The following IPP variants were observed in gnomAD, a reference collection of about 807,000 sequenced individuals.
IPP encodes the protein actin-binding protein IPP.
Under a neutral mutation model 64.1 loss-of-function variants are expected in IPP, and 41 were observed. The ratio of observed to expected loss-of-function variants is 0.64; its 90% CI spans 0.50 to 0.83. The LOEUF (loss-of-function observed/expected upper bound fraction) is 0.83, where lower values mean the gene tolerates loss of function less well. Ranked by LOEUF, IPP falls within the 40% of genes least tolerant of loss-of-function variation. The pLI is 0.00. For missense variants in IPP, 649 were observed against 703.0 expected (o/e 0.92, Z 0.87); for synonymous variants, 214 against 235.2 (o/e 0.91, Z 0.83).
chr1:45,735,784 C>T (rs1645972309), intron 3 of IPP, among the ~76,000 whole-genome samples: 1 of 151,502 alleles, frequency 6.6e-6, no homozygotes, highest in Non-Finnish European at 1.5e-5. Flanking sequence ...TGCGTGACAC[C>T]ACACCAGGCC....
At chr1:45,738,915 ATGT>A (rs1470985889) in intron 3 of IPP, among the ~76,000 whole-genome samples, 1 of 151,788 alleles carries the variant, frequency 6.6e-6, no homozygotes, top group Non-Finnish European at 1.5e-5. Context: ...TGTGACAAAA[ATGT>A]TGTGACTATA....
chr1:45,728,828 A>G (rs1645867790), intron 4 of IPP, among the ~76,000 whole-genome samples: 1 of 152,138 alleles, frequency 6.6e-6, no homozygotes, highest in Non-Finnish European at 1.5e-5. Flanking sequence ...ATAAAAATGA[A>G]AAGAAGTTGT....
At chr1:45,719,135 T>C in intron 6 of IPP, 68 bp downstream of exon 6, 1 of 1,469,122 alleles carries the variant, frequency 6.8e-7, no homozygotes, top group Non-Finnish European at 9.4e-7. Context: ...CTATTATGTA[T>C]CCACAAAAAT....
At chr1:45,706,296 C>T (rs1233553951) in intron 8 of IPP, among the ~76,000 whole-genome samples, 3 of 152,104 alleles carry the variant, frequency 2.0e-5, no homozygotes, top group African/African-American at 7.2e-5. Context: ...ACCTTCCCTA[C>T]AAAGCCTTAA....
chr1:45,743,699 ACT>A (rs201560101), intron 2 of IPP, among the ~76,000 whole-genome samples: 1,552 of 151,814 alleles, frequency 0.01, 18 homozygotes, highest in South Asian at 0.017. Flanking sequence ...ACAAAGCAAG[ACT>A]CTGTCTCACA....
chr1:45,726,160 T>TAA (rs71062704), intron 5 of IPP, among the ~76,000 whole-genome samples: 1,811 of 141,240 alleles, frequency 0.013, 20 homozygotes, highest in African/African-American at 0.028. Context: ...ACCCCATCTC[T>TAA]AAAAAAAAAA....
intron 5 of IPP, among the ~76,000 whole-genome samples, chr1:45,724,621 C>G (rs1277172304): frequency 1.3e-5 from 2 of 150,546 alleles, no homozygotes; most frequent in African/African-American, 2.4e-5. Context: ...GGGAGCACCT[C>G]TGCCCCGCCG....
At chr1:45,715,737 A>C (rs1645649911) in intron 7 of IPP, among the ~76,000 whole-genome samples, 1 of 152,190 alleles carries the variant, frequency 6.6e-6, no homozygotes. Flanking sequence ...AAGATAACTC[A>C]CAACCTTCCT....
intron 3 of IPP, among the ~76,000 whole-genome samples, chr1:45,736,768 G>A (rs530317124): frequency 1.3e-5 from 2 of 151,912 alleles, no homozygotes; most frequent in African/African-American, 4.8e-5. Flanking sequence ...AGGCGGGCGC[G>A]GTGGCTCATG....
In IPP at chr1:45,740,887, A is replaced by G. The variant is rs745654250; in HGVS notation, c.724+14T>C. On this transcript the variant is annotated intron_variant, in intron 3 of 8. Coordinates refer to ENST00000396478, the MANE Select transcript of IPP (RefSeq NM_005897.3). ...TAATTAATCAACTAATTCGATATAT[A>G]GCAAAAAAGTTACCTTCTATATACT... 8 of 1,494,428 alleles carry G rather than the reference A, an allele frequency of 5.4e-6. No homozygotes were observed. Among genetic ancestry groups the G allele is most frequent in the Non-Finnish European group, 7.2e-6 (8 of 1,106,020 alleles). The allele number at this position is 1,494,428 out of a possible 1,614,324, so 92.6% of individuals were successfully genotyped here. A position where few individuals can be genotyped will look rare whatever the true frequency, so the allele number is the denominator to read the frequency against.
chr1:45,700,771 A>G (rs1645441132), intron 8 of IPP, among the ~76,000 whole-genome samples: 1 of 152,238 alleles, frequency 6.6e-6, no homozygotes, highest in Non-Finnish European at 1.5e-5. Context: ...ACATTCTAAG[A>G]AACAAAGTCT....
At chr1:45,697,869 A>C (rs2148543243), downstream of IPP, 2 of 151,750 alleles carry the variant, frequency 1.3e-5, no homozygotes, top group South Asian at 4.2e-4. Flanking sequence ...GAGGCGGGAG[A>C]ATCGTTTGAA....
downstream of IPP, among the ~76,000 whole-genome samples, chr1:45,696,556 A>G (rs1428719791): frequency 2.0e-5 from 3 of 152,202 alleles, no homozygotes; most frequent in Non-Finnish European, 4.4e-5. Context: ...CAAGGCAGGC[A>G]GATCACCTGA....
intron 3 of IPP, among the ~76,000 whole-genome samples, chr1:45,736,051 C>T (rs1422324761): frequency 6.7e-6 from 1 of 150,206 alleles, no homozygotes; most frequent in African/African-American, 2.5e-5. Flanking sequence ...GCGGAGGTTG[C>T]AGTGAGCCGA....
intron 1 of IPP, among the ~76,000 whole-genome samples, chr1:45,749,809 C>T (rs1206096390): frequency 6.6e-6 from 1 of 151,944 alleles, no homozygotes; most frequent in Non-Finnish European, 1.5e-5. Flanking sequence ...CGTGAGCCAC[C>T]GCGCCCGGCC....
At chr1:45,738,836 T>A (rs1333439152) in intron 3 of IPP, among the ~76,000 whole-genome samples, 3 of 43,576 alleles carry the variant, frequency 6.9e-5, no homozygotes, top group African/African-American at 2.6e-4. Flanking sequence ...CAAGACTCCA[T>A]CTCAAAAAAA....
At chr1:45,732,035 G>C (rs554135396) in intron 3 of IPP, among the ~76,000 whole-genome samples, 1 of 151,956 alleles carries the variant, frequency 6.6e-6, no homozygotes, top group East Asian at 1.9e-4. Flanking sequence ...CAGACTCCTC[G>C]TAAGTGCTTC....
chr1:45,741,474 G>C (rs1646065128), intron 2 of IPP, 142 bp from the exon 3 acceptor site: 2 of 602,148 alleles, frequency 3.3e-6, no homozygotes, highest in Non-Finnish European at 5.7e-6. Flanking sequence ...TCAAGGATTT[G>C]AGTAAAGAGC....
chr1:45,698,717 C>T lies in IPP; in HGVS notation c.*1249G>A, dbSNP rs1020929576. 8.3e-4 allele frequency: 616 copies of T among 744,120 alleles called. No individual in the cohort carries two copies. Among genetic ancestry groups the T allele is most frequent in the South Asian group, 9.4e-4 (15 of 15,904 alleles). The allele number at this position is 744,120 out of a possible 1,614,324, so 46.1% of individuals were successfully genotyped here. ...AGCAAAAAAGGAAGAATTTTTTTTT[C>T]TTTTTTTTTTTTTTTTTTTGAGACA... On this transcript the variant is annotated 3_prime_UTR_variant, in exon 9 of 9. Transcript: ENST00000396478.
Sources: gnomAD v4.1 joint callset for allele counts (sites outside exome capture counted in the v4.1 genomes callset) on GRCh38, gnomAD v4.1.1 for gene constraint, MANE v1.5 for transcripts, NCBI Gene and HGNC (gene_info 2026-07-23, HGNC 2026-07-21) for gene names.